Variants in SLC30A8 observed in about 807,000 individuals in gnomAD.
SLC30A8 encodes proton-coupled zinc antiporter SLC30A8.
A neutral mutation model predicts 36.9 loss-of-function variants in SLC30A8; 27 were observed. The ratio of observed to expected loss-of-function variants is 0.73; its 90% CI spans 0.54 to 1.01. The LOEUF (loss-of-function observed/expected upper bound fraction) is 1.01, where lower values mean the gene tolerates loss of function less well. Ranked by LOEUF, SLC30A8 falls within the 50% of genes least tolerant of loss-of-function variation. The pLI is 0.00. For synonymous variants in SLC30A8, 164 were observed against 172.4 expected, an observed-to-expected ratio of 0.95 and a Z score of 0.38; for missense variants, 439 against 452.0, an observed-to-expected ratio of 0.97 and a Z score of 0.26.
chr8:117,141,505 C>T (rs553216570), intron 1 of SLC30A8, among the ~76,000 whole-genome samples: 27 of 152,132 alleles, frequency 1.8e-4, no homozygotes, highest in South Asian at 4.1e-4. Context: ...AGAAATAGAA[C>T]GAAACTTCTT....
intron 2 of SLC30A8, among the ~76,000 whole-genome samples, chr8:117,148,905 A>G (rs949279419): frequency 2.0e-5 from 3 of 152,194 alleles, no homozygotes; most frequent in African/African-American, 7.2e-5. Context: ...ACTCAATTAT[A>G]TATTTGAATT....
At position 117,062,734 on chromosome 8, in the gene SLC30A8, C is replaced by A. The variant is rs1027464583; in HGVS notation, c.-226+23476C>A. Among the ~76,000 whole-genome samples, 5 of 152,152 alleles carry A rather than the reference C, an allele frequency of 3.3e-5. 1 individual carries two copies. The South Asian group carries it at 6.2e-4, about 19-fold the overall frequency. On this transcript the variant is annotated intron_variant, in intron 2 of 10. Transcript: ENST00000427715. The stretch of plus-strand genomic sequence containing the variant: ...CTATAGAGGGAGGTGAAGCAGCATG[C>A]CTGTGACCTTCAGAGTCTGGTTAGA...
intron 1 of SLC30A8, among the ~76,000 whole-genome samples, chr8:116,999,940 C>G (rs1212815986): frequency 6.6e-6 from 1 of 152,102 alleles, no homozygotes; most frequent in Non-Finnish European, 1.5e-5. Context: ...GTTTTCTGTT[C>G]ATGAGAAAGT....
intron 2 of SLC30A8, among the ~76,000 whole-genome samples, chr8:117,047,576 A>G (rs563591376): frequency 2.0e-5 from 3 of 152,152 alleles, no homozygotes; most frequent in African/African-American, 7.2e-5. Context: ...AAAGGACTAC[A>G]TATAGTCCTT....
intron 1 of SLC30A8, among the ~76,000 whole-genome samples, chr8:116,988,343 G>A (rs1815517343): frequency 6.6e-6 from 1 of 152,160 alleles, no homozygotes; most frequent in African/African-American, 2.4e-5. Context: ...GTTAAGTACC[G>A]TGAAGCTCAG....
intron 3 of SLC30A8, among the ~76,000 whole-genome samples, chr8:117,155,745 C>T (rs1174649885): frequency 5.9e-5 from 9 of 152,160 alleles, no homozygotes; most frequent in South Asian, 2.1e-4. Context: ...AGTCTGCAAT[C>T]GGGCGTCAGT....
At chr8:117,148,528 T>C (rs142249256) in intron 2 of SLC30A8, among the ~76,000 whole-genome samples, 10 of 152,278 alleles carry the variant, frequency 6.6e-5, no homozygotes, top group Non-Finnish European at 1.3e-4. Context: ...AAGCAAAGGC[T>C]ATTCATCTCT....
chr8:117,136,623 AAAT>A (rs1170288086), intron 1 of SLC30A8, among the ~76,000 whole-genome samples: 1 of 152,012 alleles, frequency 6.6e-6, no homozygotes, highest in Non-Finnish European at 1.5e-5. Flanking sequence ...TTTTCTTAGA[AAAT>A]AATATTAGAT....
At chr8:117,108,689 CTTGGAG>C (rs1250972014) in intron 2 of SLC30A8, among the ~76,000 whole-genome samples, 4 of 152,200 alleles carry the variant, frequency 2.6e-5, no homozygotes, top group Non-Finnish European at 5.9e-5. Context: ...GCTGGGAACC[CTTGGAG>C]TTGGATGAAG....
intron 1 of SLC30A8, among the ~76,000 whole-genome samples, chr8:116,954,843 T>C (rs547557337): frequency 1.3e-5 from 2 of 152,118 alleles, no homozygotes; most frequent in Non-Finnish European, 2.9e-5. Flanking sequence ...TAGAGATCAA[T>C]GATGTAAATA....
intron 1 of SLC30A8, among the ~76,000 whole-genome samples, chr8:117,023,615 A>C (rs532888367): frequency 3.2e-4 from 49 of 152,002 alleles, no homozygotes; most frequent in Admixed American, 1.3e-3. Flanking sequence ...GCAAACTATC[A>C]CAAGGACAAA....
chr8:117,112,956 A>G (rs1045054272), intron 2 of SLC30A8, among the ~76,000 whole-genome samples: 2 of 152,158 alleles, frequency 1.3e-5, no homozygotes, highest in Non-Finnish European at 2.9e-5. Context: ...CTACAGATAG[A>G]AAAAGTGGGT....
chr8:117,111,009 A>G (rs992788003), intron 2 of SLC30A8, among the ~76,000 whole-genome samples: 6 of 152,150 alleles, frequency 3.9e-5, no homozygotes, highest in Non-Finnish European at 1.5e-5. Flanking sequence ...TCTGAAATCA[A>G]ACAGACTTTT....
intron 1 of SLC30A8, among the ~76,000 whole-genome samples, chr8:116,980,912 A>G (rs1267509355): frequency 1.3e-5 from 2 of 152,240 alleles, no homozygotes; most frequent in Non-Finnish European, 2.9e-5. Flanking sequence ...GATTTGGTTA[A>G]CAAATTTATT....
At chr8:117,014,292 C>T (rs1368092040) in intron 1 of SLC30A8, among the ~76,000 whole-genome samples, 1 of 48,570 alleles carries the variant, frequency 2.1e-5, no homozygotes, top group Non-Finnish European at 3.8e-5. Flanking sequence ...AACAGTCCTT[C>T]TTAGTTTCCA....
At chr8:117,134,187 T>C (rs1032297579), upstream of SLC30A8, among the ~76,000 whole-genome samples, 1 of 151,922 alleles carries the variant, frequency 6.6e-6, no homozygotes, top group Non-Finnish European at 1.5e-5. Flanking sequence ...CCCGTGACTC[T>C]GGGCCACTGG....
Position 117,113,450 on chromosome 8 carries a change from T to G in SLC30A8, c.-225-21830T>G, listed in dbSNP as rs116337872. On this transcript the variant is annotated intron_variant, in intron 2 of 10. Transcript: ENST00000427715. ...TATTATGAAGATGAGATAAGAAAAT[T>G]GTTGCAAAAGTGTAAGTGTTATCCA... is the stretch of plus-strand genomic sequence containing the variant. Among the ~76,000 whole-genome samples the G allele has an allele frequency of 4.6e-3, 702 of 152,222 alleles. 5 individuals carry two copies. The highest frequency in any genetic ancestry group is 0.016 in the African/African-American group (673 of 41,550).
At chr8:117,101,447 G>A (rs914512644) in intron 2 of SLC30A8, among the ~76,000 whole-genome samples, 3 of 152,128 alleles carry the variant, frequency 2.0e-5, no homozygotes, top group African/African-American at 7.2e-5. Flanking sequence ...TTTACATACT[G>A]CCTGTGATCA....
chr8:117,086,382 C>T (rs1818878613), intron 2 of SLC30A8, among the ~76,000 whole-genome samples: 1 of 152,164 alleles, frequency 6.6e-6, no homozygotes, highest in Non-Finnish European at 1.5e-5. Flanking sequence ...TAATGGGCTT[C>T]TGCTTTAAAA....
Sources: gnomAD v4.1 joint callset for allele counts (sites outside exome capture counted in the v4.1 genomes callset) on GRCh38, gnomAD v4.1.1 for gene constraint, MANE v1.5 for transcripts, NCBI Gene and HGNC (gene_info 2026-07-23, HGNC 2026-07-21) for gene names.